Variants in PPP1R1C observed in about 807,000 individuals in gnomAD.
PPP1R1C encodes protein phosphatase 1 regulatory subunit 1C.
PPP1R1C carries 15 observed loss-of-function variants against 17.4 expected under a neutral mutation model. That is an observed-to-expected ratio of 0.86 (90% confidence interval 0.58 to 1.33). The LOEUF (loss-of-function observed/expected upper bound fraction) is 1.33, where lower values mean the gene tolerates loss of function less well. Ranked by LOEUF, PPP1R1C falls within the 40% of genes most tolerant of loss-of-function variation. The probability of loss-of-function intolerance (pLI) is 0.00; values close to 1 mark genes in which losing one functional copy is unlikely to be tolerated. For missense variants in PPP1R1C, 143 were observed against 130.0 expected (o/e 1.10, Z -0.48); for synonymous variants, 35 against 43.1 (o/e 0.81, Z 0.73).
intron 2 of PPP1R1C, among the ~76,000 whole-genome samples, chr2:182,038,458 A>T (rs1316342296): frequency 6.6e-6 from 1 of 151,932 alleles, no homozygotes; most frequent in Non-Finnish European, 1.5e-5. Context: ...TATTTGTTTG[A>T]TATTTTTTAT....
chr2:182,001,943 G>T (rs547657493), intron 2 of PPP1R1C, among the ~76,000 whole-genome samples: 1 of 152,010 alleles, frequency 6.6e-6, no homozygotes, highest in Non-Finnish European at 1.5e-5. Context: ...AGTCATATAC[G>T]TATAGCTTCA....
intron 4 of PPP1R1C, among the ~76,000 whole-genome samples, chr2:182,067,005 A>T (rs1459425659): frequency 6.7e-6 from 1 of 149,478 alleles, no homozygotes; most frequent in Non-Finnish European, 1.5e-5. Context: ...TTTTACTGGA[A>T]TGCAAATGCC....
chr2:182,071,606 G>A (rs1320350388), intron 4 of PPP1R1C, among the ~76,000 whole-genome samples: 1 of 152,134 alleles, frequency 6.6e-6, no homozygotes. Flanking sequence ...TAAAGAGTGG[G>A]AAGCTGCACT....
At chr2:182,123,474 G>A (rs1689788097) in intron 5 of PPP1R1C, among the ~76,000 whole-genome samples, 1 of 152,174 alleles carries the variant, frequency 6.6e-6, no homozygotes, top group Non-Finnish European at 1.5e-5. Flanking sequence ...CACCAACAAT[G>A]TAAAAGTGTT....
At chr2:182,031,549 T>A (rs1686839422) in intron 2 of PPP1R1C, among the ~76,000 whole-genome samples, 1 of 152,230 alleles carries the variant, frequency 6.6e-6, no homozygotes, top group Non-Finnish European at 1.5e-5. Flanking sequence ...ACACATTTTT[T>A]AAAAGAATTC....
chr2:182,002,868 C>T (rs999606050), intron 2 of PPP1R1C, among the ~76,000 whole-genome samples: 28 of 150,560 alleles, frequency 1.9e-4, no homozygotes, highest in African/African-American at 5.8e-4. Flanking sequence ...TGTACATAGT[C>T]ATTCTCACCT....
intron 4 of PPP1R1C, among the ~76,000 whole-genome samples, chr2:182,075,341 TA>T (rs1370516274): frequency 6.6e-6 from 1 of 152,220 alleles, no homozygotes; most frequent in Non-Finnish European, 1.5e-5. Context: ...CAAATACAGC[TA>T]AAGCTAGAAT....
chr2:182,049,998 G>T (rs1005875307), intron 2 of PPP1R1C, among the ~76,000 whole-genome samples: 1 of 152,180 alleles, frequency 6.6e-6, no homozygotes, highest in African/African-American at 2.4e-5. Flanking sequence ...CTCTGCCAGA[G>T]GCCAAATTTG....
At chr2:182,025,225 T>A (rs192939472) in intron 2 of PPP1R1C, among the ~76,000 whole-genome samples, 5,413 of 147,960 alleles carry the variant, frequency 0.037, 352 homozygotes, top group Admixed American at 0.17. Flanking sequence ...ATTTTTATTA[T>A]ACTTTAAGTT....
intron 2 of PPP1R1C, among the ~76,000 whole-genome samples, chr2:182,008,492 G>A (rs1267739470): frequency 1.3e-5 from 2 of 152,126 alleles, no homozygotes; most frequent in Non-Finnish European, 2.9e-5. Flanking sequence ...TCCTACAAAA[G>A]CGACATAATG....
chr2:182,063,673 A>T (rs1026087461), intron 3 of PPP1R1C, 58 bp from the exon 4 acceptor site: 5 of 1,309,842 alleles, frequency 3.8e-6, no homozygotes, highest in Non-Finnish European at 4.4e-6. Context: ...CACAGGTCTG[A>T]TGGCATCGTA....
downstream of PPP1R1C, among the ~76,000 whole-genome samples, chr2:182,119,150 T>A (rs1276123169): frequency 6.7e-6 from 1 of 148,330 alleles, no homozygotes; most frequent in Non-Finnish European, 1.5e-5. Context: ...TGGGAACATG[T>A]GGTGTTTGGT....
chr2:182,130,130 T>A (rs1447847908), downstream of PPP1R1C: 4 of 152,134 alleles, frequency 2.6e-5, no homozygotes, highest in African/African-American at 9.6e-5. Context: ...GAACAAGGCA[T>A]CAATCTTTAA....
chr2:182,088,087 A>G (rs1164924061), intron 4 of PPP1R1C, among the ~76,000 whole-genome samples: 1 of 151,754 alleles, frequency 6.6e-6, no homozygotes, highest in South Asian at 2.1e-4. Flanking sequence ...TTTTTTTTTA[A>G]CTTTCATGGA....
downstream of PPP1R1C, chr2:182,130,665 T>A (rs552863544): frequency 4.9e-4 from 75 of 152,336 alleles, no homozygotes; most frequent in African/African-American, 1.8e-3. Context: ...GTTACATTTC[T>A]CCTGCAGCAT....
At chr2:182,080,724 G>GAAA (rs66947314) in intron 4 of PPP1R1C, among the ~76,000 whole-genome samples, 10 of 151,226 alleles carry the variant, frequency 6.6e-5, no homozygotes, top group Non-Finnish European at 7.4e-5. Flanking sequence ...GCTTTAAGGG[G>GAAA]AAAAAAAAAG....
Position 181,967,934 on chromosome 2 carries a change from C to G in PPP1R1C, n.112-7285C>G, listed in dbSNP as rs569457333. 4.6e-5 allele frequency among the ~76,000 whole-genome samples: 7 copies of G among 152,280 alleles called. No homozygotes were observed. Among genetic ancestry groups the G allele is most frequent in the African/African-American group, 1.7e-4 (7 of 41,550 alleles). ...TTCTTCATGTTGGTCAAGCTGGTCT[C>G]AAACTCCCAATCTCAGGTGATCCAC... On this transcript the variant is annotated intron_variant and non_coding_transcript_variant, in intron 1 of 5. Transcript: ENST00000464264. The surrounding 1 kb of genome is among the most constrained non-coding windows in gnomAD (Gnocchi z 5.5).
chr2:181,993,342 A>G (rs1032986382), intron 2 of PPP1R1C, among the ~76,000 whole-genome samples: 13 of 152,172 alleles, frequency 8.5e-5, no homozygotes, highest in African/African-American at 2.9e-4. Flanking sequence ...TCCAGGGACC[A>G]TACTGAGAAG....
chr2:181,977,879 T>C (rs893996204), intron 2 of PPP1R1C, among the ~76,000 whole-genome samples: 1 of 152,218 alleles, frequency 6.6e-6, no homozygotes, highest in African/African-American at 2.4e-5. Context: ...GTAGCTGTGA[T>C]GACTCAAAGT....
Sources: gnomAD v4.1 joint callset for allele counts (sites outside exome capture counted in the v4.1 genomes callset) on GRCh38, gnomAD v4.1.1 for gene constraint, Gnocchi (gnomAD v3.1) non-coding constraint, MANE v1.5 for transcripts, NCBI Gene and HGNC (gene_info 2026-07-23, HGNC 2026-07-21) for gene names.